FAM3C: variants seen among roughly 807,000 people sequenced by gnomAD.
The protein encoded by FAM3C is protein FAM3C.
Under a neutral mutation model 32.5 loss-of-function variants are expected in FAM3C, and 15 were observed. The observed-to-expected ratio is 0.46, with a 90% CI of 0.31 to 0.71. The LOEUF (loss-of-function observed/expected upper bound fraction) is 0.71, where lower values mean the gene tolerates loss of function less well. FAM3C is among the 30% of genes least tolerant of loss of function. FAM3C has a pLI of 0.05. For missense variants in FAM3C, 175 were observed against 274.4 expected (o/e 0.64, Z 2.56); for synonymous variants, 75 against 86.1 (o/e 0.87, Z 0.72).
chr7:121,392,454 G>A (rs1794596409), intron 1 of FAM3C, among the ~76,000 whole-genome samples: 1 of 152,138 alleles, frequency 6.6e-6, no homozygotes, highest in Non-Finnish European at 1.5e-5. Context: ...ACTGTCACGA[G>A]AACAACATGG....
chr7:121,387,730 T>C (rs1399374821), intron 1 of FAM3C, among the ~76,000 whole-genome samples: 1 of 152,120 alleles, frequency 6.6e-6, no homozygotes, highest in Non-Finnish European at 1.5e-5. Context: ...ATAAAAATTA[T>C]GTTCTTGGGA....
chr7:121,374,955 A>G (rs1794212752), intron 3 of FAM3C, among the ~76,000 whole-genome samples: 1 of 152,216 alleles, frequency 6.6e-6, no homozygotes, highest in African/African-American at 2.4e-5. Flanking sequence ...AGAAATCCTA[A>G]TTCTCTGTTA....
chr7:121,359,435 T>C (rs1279813146), intron 8 of FAM3C, among the ~76,000 whole-genome samples: 1 of 152,068 alleles, frequency 6.6e-6, no homozygotes, highest in Non-Finnish European at 1.5e-5. Context: ...CTATAAATAC[T>C]AGCATTCTAA....
intron 8 of FAM3C, among the ~76,000 whole-genome samples, chr7:121,358,439 G>A (rs1023464372): frequency 1.3e-5 from 2 of 151,824 alleles, no homozygotes; most frequent in Non-Finnish European, 2.9e-5. Context: ...AAAAGTCAGA[G>A]AAAAAATTAT....
Position 121,360,144 on chromosome 7 carries a change from G to GTA in FAM3C, c.383-18_383-17insTA, listed in dbSNP as rs764558341. ...GTGCCACATCTGAAGAAAAAGAAAG[G>GTA]GTTTAGGGTTTTAAAAAATGACTGA... On this transcript the variant is annotated splice_polypyrimidine_tract_variant and intron_variant, in intron 7 of 9. Transcript: ENST00000359943. 7.1e-7 allele frequency: 1 copy of GTA among 1,405,852 alleles called. No individual in the cohort carries two copies. The highest frequency in any genetic ancestry group is 2.3e-5 in the East Asian group (1 of 43,754). The allele number at this position is 1,405,852 out of a possible 1,614,324, so 87.1% of individuals were successfully genotyped here.
At chr7:121,363,426 G>A (rs1218819508) in intron 6 of FAM3C, among the ~76,000 whole-genome samples, 1 of 152,220 alleles carries the variant, frequency 6.6e-6, no homozygotes, top group East Asian at 1.9e-4. Context: ...GAAATAGACA[G>A]ATGTTGAACC....
At chr7:121,360,535 T>C (rs1045316534) in intron 7 of FAM3C, among the ~76,000 whole-genome samples, 8 of 152,142 alleles carry the variant, frequency 5.3e-5, no homozygotes, top group Non-Finnish European at 8.8e-5. Context: ...TCCTTAAGTG[T>C]ATGTAAAATT....
At chr7:121,369,170 G>A (rs534524826) in intron 5 of FAM3C, among the ~76,000 whole-genome samples, 117 of 151,712 alleles carry the variant, frequency 7.7e-4, no homozygotes, top group African/African-American at 2.7e-3. Context: ...TAGTAAAGAC[G>A]GGGTTTCACC....
At chr7:121,382,778 TACTG>T (rs1794384289) in intron 2 of FAM3C, among the ~76,000 whole-genome samples, 175 bp downstream of exon 2, 1 of 152,048 alleles carries the variant, frequency 6.6e-6, no homozygotes, top group Non-Finnish European at 1.5e-5. Context: ...ATTTATGTGA[TACTG>T]ACTAAATGTC....
intron 1 of FAM3C, among the ~76,000 whole-genome samples, chr7:121,384,566 A>T (rs770387959): frequency 5.9e-5 from 9 of 152,112 alleles, no homozygotes; most frequent in Non-Finnish European, 1.2e-4. Context: ...TTGATGTTCT[A>T]TTTCACTGTT....
Position 121,371,379 on chromosome 7 carries a change from G to A in FAM3C, c.193C>T (p.Pro65Ser). 3.1e-6 allele frequency: 5 copies of A among 1,613,870 alleles called. No homozygotes were observed. Among genetic ancestry groups the A allele is most frequent in the Non-Finnish European group, 4.2e-6 (5 of 1,179,844 alleles). Residue 65 changes from proline (P) to serine (S), a missense_variant, in exon 5 of 10, where the codon CCT becomes TCT. Physicochemically the swap from Pro to Ser is moderately conservative, Grantham distance 74 (BLOSUM62 -1). Transcript: ENST00000359943. ...ATTTTAAAAGCAAAATGCTTCTCAG[G>A]GCAAGCTTTTGAGATCCCACACTTA... ...RYKCGISKAC[P>S]EKHFAFKMAS...
Position 121,382,767 on chromosome 7 carries a change from A to C in FAM3C, c.13+190T>G, listed in dbSNP as rs548073802. Among the ~76,000 whole-genome samples, 33 of 152,194 alleles carry C rather than the reference A, an allele frequency of 2.2e-4. No homozygotes were observed. In the South Asian group the frequency reaches 6.4e-3, roughly 30 times the overall value. On this transcript the variant is annotated intron_variant, in intron 2 of 9. Coordinates refer to ENST00000359943, the MANE Select transcript of FAM3C (RefSeq NM_014888.3). ...AACAAAAGACTTGAACAAAAAAAAA[A>C]ATTTATGTGATACTGACTAAATGTC...
intron 5 of FAM3C, among the ~76,000 whole-genome samples, chr7:121,365,404 C>T (rs1562886275): frequency 6.6e-6 from 1 of 152,058 alleles, no homozygotes; most frequent in African/African-American, 2.4e-5. Context: ...GTGCTATCCA[C>T]CATATAATAG....
Position 121,391,958 on chromosome 7 carries a change from A to G in FAM3C, c.-42+4204T>C, listed in dbSNP as rs78702724. On this transcript the variant is annotated intron_variant, in intron 1 of 9. Coordinates refer to ENST00000359943, the MANE Select transcript of FAM3C (RefSeq NM_014888.3). Reference sequence around the variant, plus strand: ...AGAGAACTTAAGCTTAATCAATCAGAAACATCCAACAAACTTCTAATTACA... The same window carrying G: ...AGAGAACTTAAGCTTAATCAATCAGGAACATCCAACAAACTTCTAATTACA... Among the ~76,000 whole-genome samples the G allele has an allele frequency of 4.9e-3, 740 of 152,330 alleles. 1 individual carries two copies. Among genetic ancestry groups the G allele is most frequent in the Non-Finnish European group, 8.0e-3 (543 of 68,020 alleles).
intron 1 of FAM3C, among the ~76,000 whole-genome samples, chr7:121,392,018 A>T (rs988350848): frequency 6.6e-6 from 1 of 152,214 alleles, no homozygotes; most frequent in African/African-American, 2.4e-5. Flanking sequence ...CAGACCAAAT[A>T]AAACAACTGT....
At chr7:121,393,937 A>G (rs1794632288) in intron 1 of FAM3C, among the ~76,000 whole-genome samples, 2 of 152,226 alleles carry the variant, frequency 1.3e-5, no homozygotes, top group African/African-American at 4.8e-5. Context: ...AACTTTTGCT[A>G]TTATACCAAG....
At chr7:121,380,725 C>T (rs1025843313) in intron 2 of FAM3C, among the ~76,000 whole-genome samples, 8 of 110,174 alleles carry the variant, frequency 7.3e-5, no homozygotes, top group Non-Finnish European at 1.6e-4. Flanking sequence ...AAGCTATATA[C>T]AAACATTTTA....
chr7:121,358,479 G>C (rs190558303), intron 8 of FAM3C, among the ~76,000 whole-genome samples: 1 of 152,042 alleles, frequency 6.6e-6, no homozygotes, highest in Admixed American at 6.5e-5. Flanking sequence ...CATTAAAGGG[G>C]ATTTAATCTC....
chr7:121,395,527 C>T (rs1794672316), intron 1 of FAM3C, among the ~76,000 whole-genome samples: 1 of 151,666 alleles, frequency 6.6e-6, no homozygotes, highest in African/African-American at 2.4e-5. Context: ...AGCTGGAGCT[C>T]TCAATCTCAA....
Sources: allele counts gnomAD v4.1 joint callset (sites outside exome capture counted in the v4.1 genomes callset), GRCh38; gene constraint gnomAD v4.1.1; transcripts MANE v1.5; gene names NCBI Gene and HGNC (gene_info 2026-07-23, HGNC 2026-07-21).